Variants in TMEM108 observed in about 807,000 individuals in gnomAD.
The protein encoded by TMEM108 is cancer/testis antigen 124.
In TMEM108, 12 loss-of-function variants were observed where a neutral mutation model predicts 35.1. The ratio of observed to expected loss-of-function variants is 0.34; its 90% CI spans 0.22 to 0.55. The LOEUF is 0.55. TMEM108 is among the 20% of genes least tolerant of loss of function. TMEM108 has a pLI of 0.89. For missense variants in TMEM108, 680 were observed against 753.3 expected (o/e 0.90, Z 1.14); for synonymous variants, 287 against 308.6 (o/e 0.93, Z 0.73).
At chr3:133,153,854 A>G (rs893925221) in intron 2 of TMEM108, among the ~76,000 whole-genome samples, 3 of 152,092 alleles carry the variant, frequency 2.0e-5, no homozygotes, top group Non-Finnish European at 4.4e-5. Flanking sequence ...GTGTGACGTG[A>G]TTTGATGTGA....
intron 3 of TMEM108, among the ~76,000 whole-genome samples, chr3:133,288,429 T>G (rs1947014763): frequency 6.6e-6 from 1 of 152,234 alleles, no homozygotes; most frequent in African/African-American, 2.4e-5. Flanking sequence ...ATATGTATTC[T>G]TTAAATCGGA....
At chr3:133,129,703 C>T (rs1376061217) in intron 2 of TMEM108, among the ~76,000 whole-genome samples, 1 of 152,030 alleles carries the variant, frequency 6.6e-6, no homozygotes, top group African/African-American at 2.4e-5. Flanking sequence ...ACCAGGCATG[C>T]TAAGTATTTT....
chr3:133,346,105 G>A lies in TMEM108; in HGVS notation c.41-33647G>A, dbSNP rs1319853114. On this transcript the variant is annotated intron_variant, in intron 3 of 5. Transcript: ENST00000321871. The surrounding 1 kb of genome is among the most constrained non-coding windows in gnomAD (Gnocchi z 4.0). The stretch of plus-strand genomic sequence containing the variant: ...ATAAAGTAGCTATAAGCATTCATGT[G>A]TAGGATTCTGTGTGAACTTAAATTT... 6.6e-6 allele frequency among the ~76,000 whole-genome samples: 1 copy of A among 151,948 alleles called. No individual in the cohort carries two copies. Among genetic ancestry groups the A allele is most frequent in the East Asian group, 1.9e-4 (1 of 5,194 alleles).
intron 3 of TMEM108, among the ~76,000 whole-genome samples, chr3:133,326,609 T>C (rs1330492170): frequency 6.6e-6 from 1 of 152,248 alleles, no homozygotes; most frequent in African/African-American, 2.4e-5. Flanking sequence ...AATGAATCGA[T>C]GAAGAGGTGG....
intron 3 of TMEM108, among the ~76,000 whole-genome samples, chr3:133,351,532 A>G (rs1020353354): frequency 6.6e-6 from 1 of 151,920 alleles, no homozygotes; most frequent in African/African-American, 2.4e-5. Flanking sequence ...CACTTGCTAC[A>G]TTGCTCTGAG....
chr3:133,319,781 C>T (rs1434366708), intron 3 of TMEM108, among the ~76,000 whole-genome samples: 3 of 152,124 alleles, frequency 2.0e-5, no homozygotes, highest in Non-Finnish European at 4.4e-5. Flanking sequence ...GAACAACAAT[C>T]ACTGCAGTCT....
At chr3:133,055,629 A>T (rs907203922) in intron 2 of TMEM108, among the ~76,000 whole-genome samples, 1 of 152,188 alleles carries the variant, frequency 6.6e-6, no homozygotes, top group South Asian at 2.1e-4. Flanking sequence ...TATTCTTCCT[A>T]TGAACCACAG....
intron 3 of TMEM108, among the ~76,000 whole-genome samples, chr3:133,294,066 G>A (rs1054742783): frequency 6.6e-6 from 1 of 152,124 alleles, no homozygotes; most frequent in Non-Finnish European, 1.5e-5. Flanking sequence ...TAAGTGTTTG[G>A]TCCTCTTTGC....
At chr3:133,055,141 A>C (rs1050758409) in intron 2 of TMEM108, among the ~76,000 whole-genome samples, 1 of 152,222 alleles carries the variant, frequency 6.6e-6, no homozygotes, top group Non-Finnish European at 1.5e-5. Flanking sequence ...TAAAAATAAA[A>C]AGCAAAAAAT....
At chr3:133,313,807 C>G (rs1423737595) in intron 3 of TMEM108, among the ~76,000 whole-genome samples, 1 of 151,882 alleles carries the variant, frequency 6.6e-6, no homozygotes, top group Non-Finnish European at 1.5e-5. Flanking sequence ...TCTCAGTGTC[C>G]CTGGAAAAGA....
rs565327896 is a variant in TMEM108 at position 133,047,096 on chromosome 3, C to T, written c.-47+1076C>T. ...ACATCATTATTGCTCTAAAGTGATG[C>T]ACATGCTTGGAGATAAAGCAAAGAA... On this transcript the variant is annotated intron_variant, in intron 2 of 5. Coordinates refer to ENST00000321871, the MANE Select transcript of TMEM108 (RefSeq NM_023943.4). Among the ~76,000 whole-genome samples the T allele has an allele frequency of 2.0e-5, 3 of 152,222 alleles. No individual in the cohort carries two copies. The East Asian group carries it at 5.8e-4, about 29-fold the overall frequency.
intron 2 of TMEM108, among the ~76,000 whole-genome samples, chr3:133,105,975 A>G (rs570917382): frequency 1.3e-5 from 2 of 152,288 alleles, no homozygotes; most frequent in East Asian, 1.9e-4. Flanking sequence ...ACGACAGTTC[A>G]GTTAATCAAA....
At chr3:133,217,384 A>G (rs946857123) in intron 2 of TMEM108, among the ~76,000 whole-genome samples, 1 of 151,986 alleles carries the variant, frequency 6.6e-6, no homozygotes, top group African/African-American at 2.4e-5. Flanking sequence ...ATTGTCTCAT[A>G]ACTCTGTTGA....
intron 3 of TMEM108, among the ~76,000 whole-genome samples, chr3:133,326,591 G>A (rs1576457470): frequency 6.6e-6 from 1 of 152,082 alleles, no homozygotes; most frequent in Non-Finnish European, 1.5e-5. Context: ...GGTCTTCTAA[G>A]ACCCAACAAT....
At chr3:133,223,488 C>T (rs1357979234) in intron 2 of TMEM108, among the ~76,000 whole-genome samples, 1 of 152,138 alleles carries the variant, frequency 6.6e-6, no homozygotes, top group Non-Finnish European at 1.5e-5. Flanking sequence ...TTATGCAGTG[C>T]TTTTGGATGT....
At chr3:133,062,055 T>C (rs187167779) in intron 2 of TMEM108, among the ~76,000 whole-genome samples, 21 of 152,330 alleles carry the variant, frequency 1.4e-4, no homozygotes, top group Admixed American at 1.4e-3. Flanking sequence ...TCTGATAGCA[T>C]GGATGGTGAG....
chr3:133,380,167 C>T lies in TMEM108; in HGVS notation c.456C>T (p.Arg152=). The T allele has an allele frequency of 6.2e-7, 1 of 1,612,804 alleles. No homozygotes were observed. ...LLTKPPGATS[R]PTTAPPRTTT... Reference sequence around the variant, plus strand: ...CAAAGCCACCGGGGGCCACCAGCCGCCCCACCACAGCGCCCCCCCGCACTA... The same window carrying T: ...CAAAGCCACCGGGGGCCACCAGCCGTCCCACCACAGCGCCCCCCCGCACTA... The change falls in exon 4 of 6, where the codon CGC becomes CGT. Residue 152 remains arginine (R), a synonymous_variant. Coordinates refer to ENST00000321871, the MANE Select transcript of TMEM108 (RefSeq NM_023943.4). This position sits in a 1 kb window ranked among gnomAD's most constrained non-coding sequence, Gnocchi z 5.3.
chr3:133,317,305 T>C (rs986060490), intron 3 of TMEM108, among the ~76,000 whole-genome samples: 3 of 152,222 alleles, frequency 2.0e-5, no homozygotes, highest in Non-Finnish European at 4.4e-5. Flanking sequence ...TGATACAAGA[T>C]ACTTGACAGG....
chr3:133,325,763 T>G (rs2071325068), intron 3 of TMEM108, among the ~76,000 whole-genome samples: 1 of 150,604 alleles, frequency 6.6e-6, no homozygotes, highest in South Asian at 2.1e-4. Context: ...TATATAATTT[T>G]TAAGTGTGTA....
Sources: allele counts gnomAD v4.1 joint callset (sites outside exome capture counted in the v4.1 genomes callset), GRCh38; gene constraint gnomAD v4.1.1; non-coding constraint Gnocchi (gnomAD v3.1); transcripts MANE v1.5; gene names NCBI Gene and HGNC (gene_info 2026-07-23, HGNC 2026-07-21).